Variants in CCDC91 observed in about 807,000 individuals in gnomAD.
The protein encoded by CCDC91 is coiled-coil domain containing 91, also known as coiled-coil domain-containing protein 91.
Under a neutral mutation model 63.2 loss-of-function variants are expected in CCDC91, and 48 were observed. The ratio of observed to expected loss-of-function variants is 0.76; its 90% CI spans 0.60 to 0.97. The LOEUF (loss-of-function observed/expected upper bound fraction) is 0.97. CCDC91 is among the 50% of genes least tolerant of loss of function. CCDC91 has a pLI of 0.00. For missense variants in CCDC91, 500 were observed against 494.6 expected (o/e 1.01, Z -0.10); for synonymous variants, 167 against 165.8 (o/e 1.01, Z -0.06).
intron 2 of CCDC91, 42 bp downstream of exon 2, chr12:28,257,287 G>A: frequency 1.5e-6 from 2 of 1,314,124 alleles, no homozygotes; most frequent in Non-Finnish European, 2.2e-6. Flanking sequence ...AACTTTGTGG[G>A]ATTATAATGG....
chr12:28,423,602 A>G (rs1485405571), intron 8 of CCDC91, among the ~76,000 whole-genome samples: 1 of 152,154 alleles, frequency 6.6e-6, no homozygotes, highest in Non-Finnish European at 1.5e-5. Context: ...AGTATTTTAA[A>G]ACGCTGGAAT....
At chr12:28,387,278 A>T (rs1945662447) in intron 7 of CCDC91, among the ~76,000 whole-genome samples, 1 of 152,024 alleles carries the variant, frequency 6.6e-6, no homozygotes, top group Non-Finnish European at 1.5e-5. Context: ...CCAATGCTTA[A>T]ACTCCTTGTT....
chr12:28,490,465 T>G (rs1951940141), intron 12 of CCDC91, among the ~76,000 whole-genome samples: 1 of 151,906 alleles, frequency 6.6e-6, no homozygotes, highest in Non-Finnish European at 1.5e-5. Context: ...CTTCCAAATT[T>G]GTATAATTAT....
At chr12:28,402,798 T>G (rs1304023830) in intron 8 of CCDC91, among the ~76,000 whole-genome samples, 1 of 152,142 alleles carries the variant, frequency 6.6e-6, no homozygotes, top group Non-Finnish European at 1.5e-5. Context: ...TGTTATTCTT[T>G]ATCAAGTTGA....
chr12:28,500,713 G>C (rs553122369), intron 12 of CCDC91, among the ~76,000 whole-genome samples: 2 of 151,720 alleles, frequency 1.3e-5, no homozygotes, highest in South Asian at 4.1e-4. Context: ...ATGTCTTAGA[G>C]TATGTATTTA....
chr12:28,426,620 G>A (rs1032536148), intron 8 of CCDC91, among the ~76,000 whole-genome samples: 1 of 151,976 alleles, frequency 6.6e-6, no homozygotes, highest in African/African-American at 2.4e-5. Flanking sequence ...CCCATCAAAG[G>A]CATTCTTCTT....
At chr12:28,359,664 C>G (rs1943746413) in intron 6 of CCDC91, among the ~76,000 whole-genome samples, 1 of 152,092 alleles carries the variant, frequency 6.6e-6, no homozygotes, top group South Asian at 2.1e-4. Context: ...TTTTGTAAAG[C>G]AGTCTCTGGG....
chr12:28,303,481 A>G (rs1459932429), intron 3 of CCDC91, among the ~76,000 whole-genome samples: 1 of 152,088 alleles, frequency 6.6e-6, no homozygotes, highest in African/African-American at 2.4e-5. Flanking sequence ...ACAGGATGAG[A>G]ATTTAACTTG....
At chr12:28,266,102 T>G (rs1947165516) in intron 3 of CCDC91, among the ~76,000 whole-genome samples, 1 of 152,046 alleles carries the variant, frequency 6.6e-6, no homozygotes, top group Non-Finnish European at 1.5e-5. Flanking sequence ...AAATGATAGC[T>G]TCTATAAAGC....
At chr12:28,525,683 G>T (rs759024619) in intron 12 of CCDC91, among the ~76,000 whole-genome samples, 2 of 151,902 alleles carry the variant, frequency 1.3e-5, no homozygotes, top group Non-Finnish European at 2.9e-5. Context: ...GACCTGTCTC[G>T]TGCTGTCAGT....
chr12:28,434,563 G>A (rs551891055), intron 8 of CCDC91, among the ~76,000 whole-genome samples: 3 of 101,838 alleles, frequency 2.9e-5, no homozygotes, highest in Non-Finnish European at 5.9e-5. Flanking sequence ...CTGTTCTGCA[G>A]TTTTCTTATT....
At chr12:28,316,837 C>A (rs1939942577) in intron 6 of CCDC91, among the ~76,000 whole-genome samples, 1 of 150,822 alleles carries the variant, frequency 6.6e-6, no homozygotes, top group Admixed American at 6.6e-5. Flanking sequence ...TTATCTTGAC[C>A]CTCTCTTTCT....
chr12:28,538,519 T>C (rs11049703), intron 12 of CCDC91, among the ~76,000 whole-genome samples: 138 of 151,500 alleles, frequency 9.1e-4, no homozygotes, highest in Non-Finnish European at 1.6e-3. Context: ...TTGGACATTT[T>C]GGTTGGTTCC....
At chr12:28,518,053 G>C (rs1940152515) in intron 12 of CCDC91, among the ~76,000 whole-genome samples, 2 of 151,908 alleles carry the variant, frequency 1.3e-5, no homozygotes, top group South Asian at 4.2e-4. Context: ...GTTCCTGATG[G>C]CTTCCACCTT....
At chr12:28,479,511 G>GT (rs768095753) in intron 11 of CCDC91, among the ~76,000 whole-genome samples, 2 of 152,024 alleles carry the variant, frequency 1.3e-5, no homozygotes, top group Non-Finnish European at 2.9e-5. Context: ...TATACCTAAT[G>GT]TAAATGACGA....
intron 6 of CCDC91, among the ~76,000 whole-genome samples, chr12:28,340,575 T>G (rs552287681): frequency 6.6e-6 from 1 of 152,322 alleles, no homozygotes; most frequent in Non-Finnish European, 1.5e-5. Flanking sequence ...TTTCTTATAT[T>G]GCATCACTGA....
chr12:28,447,096 C>A (rs563285267), intron 8 of CCDC91, among the ~76,000 whole-genome samples: 1 of 152,168 alleles, frequency 6.6e-6, no homozygotes, highest in African/African-American at 2.4e-5. Flanking sequence ...GCTCAACCTT[C>A]AGCCTGTTAA....
At chr12:28,241,142 G>T (rs533911387) in intron 1 of CCDC91, among the ~76,000 whole-genome samples, 1 of 152,108 alleles carries the variant, frequency 6.6e-6, no homozygotes, top group East Asian at 1.9e-4. Context: ...CTAAAGATTG[G>T]TGATGTTTAA....
intron 11 of CCDC91, among the ~76,000 whole-genome samples, chr12:28,478,774 C>G (rs1951267755): frequency 6.6e-6 from 1 of 151,940 alleles, no homozygotes; most frequent in Non-Finnish European, 1.5e-5. Context: ...AAGAGAAAAT[C>G]AAACAACCCC....
Sources: allele counts gnomAD v4.1 joint callset (sites outside exome capture counted in the v4.1 genomes callset), GRCh38; gene constraint gnomAD v4.1.1; transcripts MANE v1.5; gene names NCBI Gene and HGNC (gene_info 2026-07-23, HGNC 2026-07-21).